Variants in KDM2A observed in about 807,000 individuals in gnomAD.
KDM2A encodes the protein lysine-specific demethylase 2A.
Under a neutral mutation model 137.3 loss-of-function variants are expected in KDM2A, and 3 were observed. That is an observed-to-expected ratio of 0.02 (90% CI 0.01 to 0.06). KDM2A has a LOEUF of 0.06. KDM2A is among the 10% of genes least tolerant of loss of function. The pLI is 1.00. For missense variants in KDM2A, 738 were observed against 1,510.6 expected (o/e 0.49, Z 8.48); for synonymous variants, 512 against 541.5 (o/e 0.95, Z 0.76).
rs118092971 is a variant in KDM2A, at chr11:67,141,094, G to A, written c.42+19736G>A. Among the ~76,000 whole-genome samples the A allele has an allele frequency of 7.2e-4, 110 of 152,116 alleles. 1 individual carries two copies. The East Asian group carries it at 0.018, about 25-fold the overall frequency. Reference sequence around the variant, plus strand: ...CCCTCTCTTTGGAGTGTCACTCCACGTTGTCTCATCGATGAAAATATTAGG... The same window carrying A: ...CCCTCTCTTTGGAGTGTCACTCCACATTGTCTCATCGATGAAAATATTAGG... On this transcript the variant is annotated intron_variant, in intron 2 of 20. Transcript: ENST00000529006.
Position 67,217,073 on chromosome 11 carries a change from C to T in KDM2A, c.688-658C>T, listed in dbSNP as rs563823564. Among the ~76,000 whole-genome samples the T allele has an allele frequency of 4.0e-5, 6 of 151,398 alleles. No homozygotes were observed. In the South Asian group the frequency reaches 1.3e-3, roughly 32 times the overall value. On this transcript the variant is annotated intron_variant, in intron 8 of 20. Coordinates refer to ENST00000529006, the MANE Select transcript of KDM2A (RefSeq NM_012308.3). The stretch of plus-strand genomic sequence containing the variant: ...CTTGGCCAACATGGTGAAACCCCGT[C>T]TCTACTAAAAATACAAAAATTAGCT...
At chr11:67,198,700 ACT>A (rs1325019764) in intron 5 of KDM2A, among the ~76,000 whole-genome samples, 4 of 137,208 alleles carry the variant, frequency 2.9e-5, no homozygotes, top group African/African-American at 5.4e-5. Context: ...ACAGAGTGAG[ACT>A]CTGTCTCAAA....
chr11:67,222,876 G>A (rs1018748457), intron 10 of KDM2A, among the ~76,000 whole-genome samples: 3 of 149,652 alleles, frequency 2.0e-5, no homozygotes, highest in East Asian at 2.0e-4. Flanking sequence ...AGTTTTCTAC[G>A]TAAAGAGAAG....
intron 2 of KDM2A, among the ~76,000 whole-genome samples, chr11:67,142,062 G>A (rs565534409): frequency 3.3e-5 from 5 of 151,814 alleles, no homozygotes; most frequent in South Asian, 4.2e-4. Flanking sequence ...TTTTTGAGAC[G>A]GAGTCTTGCT....
intron 2 of KDM2A, among the ~76,000 whole-genome samples, chr11:67,137,407 A>G (rs767630449): frequency 2.6e-5 from 4 of 152,166 alleles, no homozygotes; most frequent in Non-Finnish European, 5.9e-5. Context: ...ATATTGGTTC[A>G]GGTAAGACAA....
chr11:67,177,517 C>T (rs1856996897), intron 2 of KDM2A, among the ~76,000 whole-genome samples: 1 of 151,918 alleles, frequency 6.6e-6, no homozygotes, highest in Non-Finnish European at 1.5e-5. Flanking sequence ...CATCAGCCTG[C>T]AGAGGGTCGG....
At chr11:67,123,561 A>G (rs1447131155) in intron 2 of KDM2A, among the ~76,000 whole-genome samples, 2 of 152,078 alleles carry the variant, frequency 1.3e-5, no homozygotes, top group East Asian at 1.9e-4. Context: ...CTCCTTTCCC[A>G]GGTAGTTATT....
intron 12 of KDM2A, among the ~76,000 whole-genome samples, chr11:67,238,833 G>A (rs1859515623): frequency 6.6e-6 from 1 of 152,192 alleles, no homozygotes; most frequent in Admixed American, 6.5e-5. Flanking sequence ...GACCCAAACT[G>A]TTTCTGCTAA....
chr11:67,217,903 G>A lies in KDM2A; in HGVS notation c.841+19G>A, dbSNP rs769035071. The A allele has an allele frequency of 3.2e-6, 5 of 1,570,446 alleles. No homozygotes were observed. The highest frequency in any genetic ancestry group is 1.9e-5 in the Admixed American group (1 of 51,682). Reference sequence around the variant, plus strand: ...CCCTCAGGTAAGCAAAATGGGAAGAGTGGGTTATTTAGCCATTTTTTTCCT... The same window carrying A: ...CCCTCAGGTAAGCAAAATGGGAAGAATGGGTTATTTAGCCATTTTTTTCCT... On this transcript the variant is annotated intron_variant, in intron 9 of 20. Transcript: ENST00000529006.
rs771365250 is a variant in KDM2A, at chr11:67,254,771, G to C, written c.3308-103G>C. Reference sequence around the variant, plus strand: ...AGCCAGGTAGTTGTGGGACAAAGAGGGCTTTTGTTTAGCATTTTGAAGGAA... The same window carrying C: ...AGCCAGGTAGTTGTGGGACAAAGAGCGCTTTTGTTTAGCATTTTGAAGGAA... On this transcript the variant is annotated intron_variant, in intron 20 of 20. Transcript: ENST00000529006. The surrounding 1 kb of genome is among the most constrained non-coding windows in gnomAD (Gnocchi z 4.7). 6 of 1,083,884 alleles carry C rather than the reference G, an allele frequency of 5.5e-6. No homozygotes were observed. The highest frequency in any genetic ancestry group is 5.4e-6 in the Non-Finnish European group (4 of 744,376). 67.1% of individuals were successfully genotyped at this position (1,083,884 alleles called of 1,614,324 possible).
chr11:67,131,335 T>C (rs987198842), intron 2 of KDM2A, among the ~76,000 whole-genome samples: 2 of 151,344 alleles, frequency 1.3e-5, no homozygotes, highest in Admixed American at 6.6e-5. Flanking sequence ...AAAAAAATAA[T>C]AATAATAACA....
chr11:67,204,619 G>A (rs997142751), intron 5 of KDM2A, among the ~76,000 whole-genome samples: 2 of 151,720 alleles, frequency 1.3e-5, no homozygotes, highest in African/African-American at 2.4e-5. Context: ...AGTCTCCCGA[G>A]TACCTGGGAC....
chr11:67,201,963 A>AG (rs1269103810), intron 5 of KDM2A, among the ~76,000 whole-genome samples: 1 of 151,916 alleles, frequency 6.6e-6, no homozygotes. Context: ...TCTAAAAAAA[A>AG]TAATTAAAAT....
chr11:67,193,548 T>C (rs1403048316), intron 5 of KDM2A, among the ~76,000 whole-genome samples: 1 of 152,208 alleles, frequency 6.6e-6, no homozygotes, highest in African/African-American at 2.4e-5. Flanking sequence ...GGAGACAGTA[T>C]TATTTTTATC....
At chr11:67,220,639 T>A (rs1258785287) in intron 10 of KDM2A, among the ~76,000 whole-genome samples, 1 of 152,180 alleles carries the variant, frequency 6.6e-6, no homozygotes, top group Non-Finnish European at 1.5e-5. Context: ...AAAAGTTAAT[T>A]TATTATATAC....
intron 2 of KDM2A, among the ~76,000 whole-genome samples, 164 bp downstream of exon 2, chr11:67,121,522 G>A (rs2136274157): frequency 6.6e-6 from 1 of 152,296 alleles, no homozygotes; most frequent in South Asian, 2.1e-4. Flanking sequence ...TTGGCTTTTG[G>A]CCAAACATGT....
chr11:67,203,131 C>T (rs950992775), intron 5 of KDM2A, among the ~76,000 whole-genome samples: 5 of 152,160 alleles, frequency 3.3e-5, no homozygotes, highest in Non-Finnish European at 5.9e-5. Context: ...AGGCAAGTTC[C>T]TCCACAGGCC....
At position 67,254,724 on chromosome 11, in the gene KDM2A, C is replaced by G. The variant is rs923067809; in HGVS notation, c.3308-150C>G. On this transcript the variant is annotated intron_variant, in intron 20 of 20. Transcript: ENST00000529006. This position sits in a 1 kb window ranked among gnomAD's most constrained non-coding sequence, Gnocchi z 4.7. ...AGGCAGCAGGGTCCCTTTGGAGGTGCTGATGGCACTTCTGGTCTCTGAGCC... is the reference window on the plus strand; with the variant it reads ...AGGCAGCAGGGTCCCTTTGGAGGTGGTGATGGCACTTCTGGTCTCTGAGCC... 1.1e-5 allele frequency: 8 copies of G among 719,684 alleles called. No individual in the cohort carries two copies. Among genetic ancestry groups the G allele is most frequent in the African/African-American group, 3.6e-5 (2 of 56,246 alleles). 44.6% of individuals were successfully genotyped at this position (719,684 alleles called of 1,614,324 possible).
intron 5 of KDM2A, among the ~76,000 whole-genome samples, chr11:67,202,544 G>C (rs909519071): frequency 3.9e-5 from 6 of 152,008 alleles, no homozygotes; most frequent in African/African-American, 1.4e-4. Flanking sequence ...AGGCTGAGGC[G>C]GGTGGATCAC....
Sources: allele counts gnomAD v4.1 joint callset (sites outside exome capture counted in the v4.1 genomes callset), GRCh38; gene constraint gnomAD v4.1.1; non-coding constraint Gnocchi (gnomAD v3.1); transcripts MANE v1.5; gene names NCBI Gene and HGNC (gene_info 2026-07-23, HGNC 2026-07-21).